The following GPATCH2 variants were observed in gnomAD, a reference collection of about 807,000 sequenced individuals.
GPATCH2 encodes G-patch domain containing 2, also known as G patch domain-containing protein 2.
A neutral mutation model predicts 58.0 loss-of-function variants in GPATCH2; 51 were observed. That is an observed-to-expected ratio of 0.88 (90% CI 0.70 to 1.11). The LOEUF (loss-of-function observed/expected upper bound fraction) is 1.11. Ranked by LOEUF, GPATCH2 falls within the 50% of genes most tolerant of loss-of-function variation. The probability of loss-of-function intolerance (pLI) is 0.00; values close to 1 mark genes in which losing one functional copy is unlikely to be tolerated. For missense variants in GPATCH2, 625 were observed against 652.2 expected (o/e 0.96, Z 0.45); for synonymous variants, 222 against 218.5 (o/e 1.02, Z -0.14).
chr1:217,588,503 C>T (rs1261812476), intron 5 of GPATCH2, among the ~76,000 whole-genome samples: 1 of 151,906 alleles, frequency 6.6e-6, no homozygotes, highest in Non-Finnish European at 1.5e-5. Context: ...AAATAAAGCA[C>T]TTTACCTATT....
At chr1:217,462,840 CAA>C (rs879777601) in intron 8 of GPATCH2, among the ~76,000 whole-genome samples, 4 of 152,124 alleles carry the variant, frequency 2.6e-5, no homozygotes, top group Admixed American at 2.0e-4. Flanking sequence ...CTGTGCAGCC[CAA>C]AGAGACAAAG....
intron 1 of GPATCH2, among the ~76,000 whole-genome samples, chr1:217,623,289 G>T (rs1252024092): frequency 6.6e-6 from 1 of 152,178 alleles, no homozygotes; most frequent in African/African-American, 2.4e-5. Flanking sequence ...ATTAAAGTCA[G>T]TTTAGTTTGG....
intron 7 of GPATCH2, among the ~76,000 whole-genome samples, chr1:217,493,574 T>C (rs1661855005): frequency 2.0e-5 from 3 of 152,176 alleles, no homozygotes; most frequent in Non-Finnish European, 2.9e-5. Flanking sequence ...GTATCTGATA[T>C]GTAGCTGAAG....
intron 6 of GPATCH2, among the ~76,000 whole-genome samples, chr1:217,505,364 G>C (rs1419014971): frequency 6.6e-6 from 1 of 151,720 alleles, no homozygotes; most frequent in Non-Finnish European, 1.5e-5. Flanking sequence ...CTGTGGAGTA[G>C]AAATAATTTT....
chr1:217,531,330 G>A (rs1664179190), intron 5 of GPATCH2, among the ~76,000 whole-genome samples: 1 of 152,160 alleles, frequency 6.6e-6, no homozygotes, highest in Non-Finnish European at 1.5e-5. Flanking sequence ...TGCCTACAGT[G>A]AAACATGTGC....
chr1:217,597,238 C>T (rs1187730890), intron 5 of GPATCH2, among the ~76,000 whole-genome samples: 1 of 151,618 alleles, frequency 6.6e-6, no homozygotes, highest in Non-Finnish European at 1.5e-5. Context: ...GAGGCTGAGG[C>T]AGGAGGATCA....
intron 5 of GPATCH2, among the ~76,000 whole-genome samples, chr1:217,580,598 G>A (rs1057406860): frequency 2.2e-4 from 33 of 152,066 alleles, no homozygotes; most frequent in African/African-American, 6.5e-4. Context: ...CATTACCTTC[G>A]GTAATCTCAA....
chr1:217,456,578 G>T (rs1276358991), intron 8 of GPATCH2, among the ~76,000 whole-genome samples: 2 of 152,110 alleles, frequency 1.3e-5, no homozygotes, highest in Non-Finnish European at 2.9e-5. Context: ...GAGATGCAGG[G>T]GACAAGGTGG....
At chr1:217,463,468 G>A (rs1660291262) in intron 8 of GPATCH2, among the ~76,000 whole-genome samples, 1 of 151,906 alleles carries the variant, frequency 6.6e-6, no homozygotes, top group Non-Finnish European at 1.5e-5. Flanking sequence ...GGCCTTGCTA[G>A]CCATGTTTAG....
intron 6 of GPATCH2, among the ~76,000 whole-genome samples, chr1:217,511,984 C>A (rs1009629792): frequency 6.6e-6 from 1 of 152,020 alleles, no homozygotes; most frequent in African/African-American, 2.4e-5. Flanking sequence ...GTAAGGGGTG[C>A]GCCTGAAGAA....
At chr1:217,489,637 C>T (rs1048282775) in intron 8 of GPATCH2, among the ~76,000 whole-genome samples, 1 of 152,114 alleles carries the variant, frequency 6.6e-6, no homozygotes, top group African/African-American at 2.4e-5. Context: ...CCAAGGCAAG[C>T]AGATCACCTG....
intron 5 of GPATCH2, among the ~76,000 whole-genome samples, chr1:217,560,959 G>A (rs1189861879): frequency 6.6e-6 from 1 of 152,124 alleles, no homozygotes; most frequent in Non-Finnish European, 1.5e-5. Flanking sequence ...TATTTAATGG[G>A]GTAGGGAAGA....
intron 5 of GPATCH2, among the ~76,000 whole-genome samples, chr1:217,597,918 T>A (rs1396142196): frequency 6.6e-6 from 1 of 152,218 alleles, no homozygotes; most frequent in African/African-American, 2.4e-5. Context: ...ACACTAGGCA[T>A]CCAATCATGT....
At chr1:217,620,885 C>T (rs893754595) in intron 1 of GPATCH2, among the ~76,000 whole-genome samples, 1 of 152,228 alleles carries the variant, frequency 6.6e-6, no homozygotes, top group South Asian at 2.1e-4. Flanking sequence ...GTCCCCTCTT[C>T]GCCCACTAAT....
intron 8 of GPATCH2, among the ~76,000 whole-genome samples, chr1:217,470,602 C>G (rs150680250): frequency 6.6e-6 from 1 of 152,142 alleles, no homozygotes; most frequent in Non-Finnish European, 1.5e-5. Flanking sequence ...AGTTTAAAAT[C>G]TTGGCAAGGA....
At chr1:217,494,730 T>C (rs114477410) in intron 7 of GPATCH2, among the ~76,000 whole-genome samples, 19,595 of 151,584 alleles carry the variant, frequency 0.13, 2,417 homozygotes, top group African/African-American at 0.33. Context: ...GATGAAAAAG[T>C]GAGACTCTGT....
intron 8 of GPATCH2, among the ~76,000 whole-genome samples, chr1:217,471,203 T>A (rs1038840175): frequency 5.9e-5 from 9 of 152,080 alleles, no homozygotes; most frequent in Non-Finnish European, 1.2e-4. Flanking sequence ...TAAGGTAGGA[T>A]AGACAACTTA....
At chr1:217,623,645 T>G (rs933379344) in intron 1 of GPATCH2, among the ~76,000 whole-genome samples, 1 of 152,182 alleles carries the variant, frequency 6.6e-6, no homozygotes, top group Non-Finnish European at 1.5e-5. Context: ...CTCACGCCTG[T>G]AATCCCAGCA....
chr1:217,624,210 A>G (rs1265772837), intron 1 of GPATCH2, among the ~76,000 whole-genome samples: 2 of 151,986 alleles, frequency 1.3e-5, no homozygotes, highest in African/African-American at 2.4e-5. Flanking sequence ...CTGCTTCACT[A>G]ACATCCCTCA....
Sources: allele counts gnomAD v4.1 joint callset (sites outside exome capture counted in the v4.1 genomes callset), GRCh38; gene constraint gnomAD v4.1.1; transcripts MANE v1.5; gene names NCBI Gene and HGNC (gene_info 2026-07-23, HGNC 2026-07-21).